SYT16: variants seen among roughly 807,000 people sequenced by gnomAD.
The protein encoded by SYT16 is synaptotagmin-16.
SYT16 carries 42 observed loss-of-function variants against 61.4 expected under a neutral mutation model. The observed-to-expected ratio is 0.68, with a 90% CI of 0.53 to 0.89. The LOEUF (loss-of-function observed/expected upper bound fraction) is 0.89. Ranked by LOEUF, SYT16 falls within the 40% of genes least tolerant of loss-of-function variation. SYT16 has a pLI of 0.00. For missense variants in SYT16, 804 were observed against 807.3 expected, an observed-to-expected ratio of 1.00 and a Z score of 0.05; for synonymous variants, 314 against 302.3, an observed-to-expected ratio of 1.04 and a Z score of -0.40.
chr14:61,990,547 AC>A (rs2052504116), intron 2 of SYT16, among the ~76,000 whole-genome samples: 1 of 152,194 alleles, frequency 6.6e-6, no homozygotes, highest in African/African-American at 2.4e-5. Flanking sequence ...ATTATTGGAA[AC>A]ATGTTCTTGT....
At chr14:61,862,547 A>G (rs2046997963) in intron 1 of SYT16, among the ~76,000 whole-genome samples, 1 of 152,192 alleles carries the variant, frequency 6.6e-6, no homozygotes, top group African/African-American at 2.4e-5. Flanking sequence ...CCCTGCCCCT[A>G]CACATGCACA....
chr14:61,842,446 T>A (rs980752982), intron 1 of SYT16, among the ~76,000 whole-genome samples: 10 of 152,192 alleles, frequency 6.6e-5, no homozygotes, highest in Non-Finnish European at 1.5e-4. Context: ...CTGTGCCTGG[T>A]TTATTTCACA....
Position 61,835,250 on chromosome 14 carries a change from AT to A in SYT16, c.-325+22465del, listed in dbSNP as rs11378872. ...GTAAATGTTGTCTCATGAAAGGTGA[AT>A]TTTTTTTTTTTTTTTTTTTTTTTTG... is the stretch of plus-strand genomic sequence containing the variant. On this transcript the variant is annotated intron_variant, in intron 1 of 7. Coordinates refer to ENST00000683842, the MANE Select transcript of SYT16 (RefSeq NM_001367656.1). 4.2e-3 allele frequency among the ~76,000 whole-genome samples: 466 copies of A among 110,780 alleles called. 2 individuals are homozygous for A. The highest frequency in any genetic ancestry group is 0.013 in the African/African-American group (363 of 28,384). The allele number at this position is 110,780 out of a possible 152,430, so 72.7% of individuals were successfully genotyped here. A position where few individuals can be genotyped will look rare whatever the true frequency, so the allele number is the denominator to read the frequency against.
chr14:61,937,933 T>C (rs1294126612), intron 1 of SYT16, among the ~76,000 whole-genome samples: 2 of 151,762 alleles, frequency 1.3e-5, no homozygotes, highest in Non-Finnish European at 2.9e-5. Context: ...GGCATATGAG[T>C]GTCCTGCCTT....
intron 1 of SYT16, among the ~76,000 whole-genome samples, chr14:61,818,519 A>G (rs904971543): frequency 6.6e-6 from 1 of 152,086 alleles, no homozygotes; most frequent in Non-Finnish European, 1.5e-5. Flanking sequence ...CTCTACTAAA[A>G]TTACAAAAAT....
chr14:61,902,823 G>A (rs779168563), intron 1 of SYT16, among the ~76,000 whole-genome samples: 4 of 152,208 alleles, frequency 2.6e-5, no homozygotes, highest in Non-Finnish European at 4.4e-5. Context: ...AGAGCCAAGT[G>A]CAATTGGTTT....
At position 61,940,920 on chromosome 14, in the gene SYT16, T is replaced by C. The variant is rs112672542; in HGVS notation, c.-324-29212T>C. ...TCTGCTTGAATAATCACAGATAGGCTTTGCCTTCCCTTCCAGACTCCACTG... is the reference window on the plus strand; with the variant it reads ...TCTGCTTGAATAATCACAGATAGGCCTTGCCTTCCCTTCCAGACTCCACTG... On this transcript the variant is annotated intron_variant, in intron 1 of 7. Transcript: ENST00000683842. Among the ~76,000 whole-genome samples, 1,319 of 152,238 alleles carry C rather than the reference T, an allele frequency of 8.7e-3. 18 individuals carry two copies. Among genetic ancestry groups the C allele is most frequent in the African/African-American group, 0.03 (1,250 of 41,526 alleles).
chr14:61,894,669 G>A (rs1363338508), intron 1 of SYT16, among the ~76,000 whole-genome samples: 1 of 152,130 alleles, frequency 6.6e-6, no homozygotes, highest in Non-Finnish European at 1.5e-5. Context: ...GCTAGGTGGC[G>A]TGATTATCTA....
At chr14:62,084,926 C>G (rs1390509240) in intron 7 of SYT16, among the ~76,000 whole-genome samples, 1 of 152,176 alleles carries the variant, frequency 6.6e-6, no homozygotes, top group African/African-American at 2.4e-5. Context: ...AGTACCATGC[C>G]TATCACATAG....
At chr14:61,936,350 G>A (rs1360619645) in intron 1 of SYT16, among the ~76,000 whole-genome samples, 1 of 152,000 alleles carries the variant, frequency 6.6e-6, no homozygotes, top group Non-Finnish European at 1.5e-5. Flanking sequence ...CTATGGTTTA[G>A]TAGAAATGAA....
Position 62,108,948 on chromosome 14 carries a change from A to G in SYT16, c.*8241A>G, listed in dbSNP as rs1436903668. 2 of 152,206 alleles carry G rather than the reference A, an allele frequency of 1.3e-5. No homozygotes were observed. The highest frequency in any genetic ancestry group is 2.4e-5 in the African/African-American group (1 of 41,456). The allele number at this position is 152,206 out of a possible 1,614,324, so 9.4% of individuals were successfully genotyped here. ...AAAATATAGAGTTCTCATATACTCC[A>G]AACACAACCTTCTTCCCCGTGAACA... On this transcript the variant is annotated 3_prime_UTR_variant, in exon 8 of 8. Transcript: ENST00000683842.
At chr14:61,967,605 T>A (rs2051367109) in intron 1 of SYT16, among the ~76,000 whole-genome samples, 1 of 152,146 alleles carries the variant, frequency 6.6e-6, no homozygotes. Context: ...GTGGCTTTCA[T>A]CTCTCCATGC....
At chr14:62,031,233 A>G (rs985863759) in intron 3 of SYT16, among the ~76,000 whole-genome samples, 2 of 152,224 alleles carry the variant, frequency 1.3e-5, no homozygotes, top group Non-Finnish European at 2.9e-5. Flanking sequence ...CCATGCCTTT[A>G]AAACTGATTC....
intron 1 of SYT16, among the ~76,000 whole-genome samples, chr14:61,952,070 G>A (rs184108869): frequency 4.6e-5 from 7 of 151,974 alleles, no homozygotes; most frequent in African/African-American, 7.2e-5. Context: ...TTATAGGCAT[G>A]AGCCACTGTG....
intron 1 of SYT16, among the ~76,000 whole-genome samples, chr14:61,895,202 A>G (rs1265243879): frequency 1.3e-5 from 2 of 152,210 alleles, no homozygotes; most frequent in Non-Finnish European, 2.9e-5. Context: ...TAGGTTGATA[A>G]CAACTTAACC....
chr14:61,887,596 A>T (rs2047959341), intron 1 of SYT16, among the ~76,000 whole-genome samples: 1 of 152,254 alleles, frequency 6.6e-6, no homozygotes, highest in Admixed American at 6.5e-5. Context: ...TCTTCAGGAT[A>T]AATTGCTGCA....
At chr14:61,941,595 A>G (rs576808925) in intron 1 of SYT16, among the ~76,000 whole-genome samples, 1 of 152,062 alleles carries the variant, frequency 6.6e-6, no homozygotes, top group Non-Finnish European at 1.5e-5. Context: ...CTCTCATTCT[A>G]TCTTCCCTTG....
intron 3 of SYT16, among the ~76,000 whole-genome samples, chr14:62,028,325 A>AAG (rs2054178203): frequency 6.6e-6 from 1 of 152,206 alleles, no homozygotes; most frequent in Non-Finnish European, 1.5e-5. Flanking sequence ...TGCTTACTGT[A>AAG]CGAGTTCTAA....
At chr14:62,084,415 G>T in intron 7 of SYT16, 30 bp downstream of exon 7, 1 of 1,590,526 alleles carries the variant, frequency 6.3e-7, no homozygotes, top group East Asian at 2.3e-5. Flanking sequence ...CCCAGCTCTG[G>T]TTCTTCCAGA....
Sources: gnomAD v4.1 joint callset for allele counts (sites outside exome capture counted in the v4.1 genomes callset) on GRCh38, gnomAD v4.1.1 for gene constraint, MANE v1.5 for transcripts, NCBI Gene and HGNC (gene_info 2026-07-23, HGNC 2026-07-21) for gene names.